The following RAD51B variants were observed in gnomAD, a reference collection of about 807,000 sequenced individuals.
RAD51B encodes the protein RAD51 paralog B, also known as DNA repair protein RAD51 homolog 2.
A neutral mutation model predicts 42.2 loss-of-function variants in RAD51B; 38 were observed. The ratio of observed to expected loss-of-function variants is 0.90; its 90% CI spans 0.70 to 1.18. The LOEUF (loss-of-function observed/expected upper bound fraction) is 1.18, where lower values mean the gene tolerates loss of function less well. Among genes scored for constraint, RAD51B ranks in the 50% most tolerant of loss-of-function variants. RAD51B has a pLI of 0.00. For synonymous variants in RAD51B, 154 were observed against 145.2 expected (o/e 1.06, Z -0.43); for missense variants, 373 against 400.7 (o/e 0.93, Z 0.59).
intron 9 of RAD51B, among the ~76,000 whole-genome samples, chr14:68,434,678 C>T (rs2085102790): frequency 6.6e-6 from 1 of 152,316 alleles, no homozygotes; most frequent in South Asian, 2.1e-4. Flanking sequence ...AATTCCCTGA[C>T]CCCTTGCACT....
At chr14:67,836,586 A>G (rs1469601006) in intron 4 of RAD51B, among the ~76,000 whole-genome samples, 2 of 151,662 alleles carry the variant, frequency 1.3e-5, no homozygotes, top group East Asian at 3.9e-4. Flanking sequence ...CCCAGGTTCA[A>G]GTGAGTAGCT....
At position 67,841,981 on chromosome 14, in the gene RAD51B, T is replaced by C. The variant is rs115655624; in HGVS notation, c.315+6785T>C. Among the ~76,000 whole-genome samples the C allele has an allele frequency of 3.0e-3, 451 of 152,356 alleles. 2 individuals are homozygous for C. The highest frequency in any genetic ancestry group is 0.01 in the African/African-American group (418 of 41,588). ...TGAATCTGTACATTGCTTTGGGAAA[T>C]ATGCCATTTTAACGGTATTGATTCT... On this transcript the variant is annotated intron_variant, in intron 4 of 10. Coordinates refer to ENST00000471583, the MANE Select transcript of RAD51B (RefSeq NM_133510.4).
chr14:68,251,242 C>G (rs1338079145), intron 7 of RAD51B, among the ~76,000 whole-genome samples: 6 of 152,094 alleles, frequency 3.9e-5, no homozygotes, highest in Non-Finnish European at 8.8e-5. Flanking sequence ...ACATCACTGG[C>G]AGCAGTAAGT....
At chr14:68,361,753 G>A (rs1236075628) in intron 8 of RAD51B, among the ~76,000 whole-genome samples, 1 of 152,140 alleles carries the variant, frequency 6.6e-6, no homozygotes, top group East Asian at 1.9e-4. Context: ...TCAGCTCACT[G>A]CAACCTCCAT....
chr14:68,120,413 C>T (rs923952489), intron 7 of RAD51B, among the ~76,000 whole-genome samples: 1 of 152,122 alleles, frequency 6.6e-6, no homozygotes, highest in African/African-American at 2.4e-5. Context: ...GTTTAAGTTT[C>T]TAGCCCTAAA....
chr14:68,345,763 C>T (rs34334823), intron 8 of RAD51B, among the ~76,000 whole-genome samples: 5,053 of 151,906 alleles, frequency 0.033, 256 homozygotes, highest in African/African-American at 0.1. Context: ...GGTTCAAGAG[C>T]GACTCTCATG....
intron 10 of RAD51B, among the ~76,000 whole-genome samples, chr14:68,487,988 T>C (rs1250278736): frequency 6.6e-6 from 1 of 152,106 alleles, no homozygotes; most frequent in Non-Finnish European, 1.5e-5. Context: ...AAAAAGTAGA[T>C]GCTGGCCAAG....
chr14:68,366,209 G>C (rs2083139628), intron 8 of RAD51B, among the ~76,000 whole-genome samples: 1 of 152,138 alleles, frequency 6.6e-6, no homozygotes, highest in Non-Finnish European at 1.5e-5. Context: ...TGGACCATCT[G>C]TTAATGCTTA....
At chr14:67,959,635 A>C (rs1289893688) in intron 7 of RAD51B, among the ~76,000 whole-genome samples, 2 of 152,200 alleles carry the variant, frequency 1.3e-5, no homozygotes, top group African/African-American at 4.8e-5. Context: ...ATTAGTTGAC[A>C]TAGTTAAAGT....
intron 3 of RAD51B, among the ~76,000 whole-genome samples, chr14:67,826,034 T>G (rs2040822931): frequency 1.3e-5 from 2 of 152,102 alleles, no homozygotes; most frequent in Admixed American, 6.6e-5. Context: ...CTAGCCTATG[T>G]GTGAAAAATT....
chr14:68,269,162 A>G (rs1399043463), intron 7 of RAD51B, among the ~76,000 whole-genome samples: 5 of 152,220 alleles, frequency 3.3e-5, no homozygotes, highest in Admixed American at 6.5e-5. Flanking sequence ...TAAGCGTGTT[A>G]CAAAGAACAC....
At chr14:68,579,428 A>G (rs899700758) in intron 10 of RAD51B, among the ~76,000 whole-genome samples, 1 of 152,204 alleles carries the variant, frequency 6.6e-6, no homozygotes, top group African/African-American at 2.4e-5. Flanking sequence ...CTCTTTGACC[A>G]AGTCCTGGGA....
downstream of RAD51B, among the ~76,000 whole-genome samples, chr14:68,479,645 G>C (rs1203499154): frequency 2.7e-5 from 4 of 150,764 alleles, no homozygotes; most frequent in Non-Finnish European, 5.9e-5. Flanking sequence ...CTGGTTTGGG[G>C]GTGGTCTTTC....
chr14:68,541,086 G>A (rs1218219141), intron 10 of RAD51B: 17 of 985,326 alleles, frequency 1.7e-5, no homozygotes, highest in Non-Finnish European at 2.0e-5. Context: ...ATGGAGCACA[G>A]AGAAGGAAGC....
At position 67,893,503 on chromosome 14, in the gene RAD51B, CACACACAAA is replaced by C. The variant is rs1470782813; in HGVS notation, c.756+6301_756+6309del. 8.7e-3 allele frequency among the ~76,000 whole-genome samples: 858 copies of C among 99,110 alleles called. 45 individuals are homozygous for C. The highest frequency in any genetic ancestry group is 0.042 in the African/African-American group (825 of 19,564). 65.0% of individuals were successfully genotyped at this position (99,110 alleles called of 152,430 possible). ...ACACACACACACACACACACACACA[CACACACAAA>C]AAAAAACAATTAGCTGGGTGTGGTG... On this transcript the variant is annotated intron_variant, in intron 7 of 10. Coordinates refer to ENST00000471583, the MANE Select transcript of RAD51B (RefSeq NM_133510.4).
At chr14:67,856,149 C>T (rs112091683) in intron 4 of RAD51B, among the ~76,000 whole-genome samples, 5,772 of 152,232 alleles carry the variant, frequency 0.038, 194 homozygotes, top group Admixed American at 0.11. Context: ...CATTTCCATT[C>T]CCTCCTGCTT....
In RAD51B at chr14:67,984,801, G is replaced by A. The variant is rs182539588; in HGVS notation, c.756+97597G>A. Among the ~76,000 whole-genome samples, 92 of 152,296 alleles carry A rather than the reference G, an allele frequency of 6.0e-4. 1 individual carries two copies. The highest frequency in any genetic ancestry group is 3.7e-3 in the Admixed American group (56 of 15,288). ...TCCGTGGTACTCCACTCTGATGGAC[G>A]AGGAAAAATGATAAATTTACAAATA... is the stretch of plus-strand genomic sequence containing the variant. On this transcript the variant is annotated intron_variant, in intron 7 of 10. Transcript: ENST00000471583.
chr14:67,894,667 TG>T (rs1441034084), intron 7 of RAD51B, among the ~76,000 whole-genome samples: 1 of 152,236 alleles, frequency 6.6e-6, no homozygotes, highest in Non-Finnish European at 1.5e-5. Context: ...GTCTGTCCTT[TG>T]TTTGGGACTA....
intron 7 of RAD51B, among the ~76,000 whole-genome samples, chr14:68,103,581 T>C (rs906581810): frequency 1.8e-4 from 28 of 152,206 alleles, no homozygotes; most frequent in African/African-American, 6.8e-4. Flanking sequence ...TTATAATGTT[T>C]ATGTCTGCAC....
Sources: gnomAD v4.1 joint callset for allele counts (sites outside exome capture counted in the v4.1 genomes callset) on GRCh38, gnomAD v4.1.1 for gene constraint, MANE v1.5 for transcripts, NCBI Gene and HGNC (gene_info 2026-07-23, HGNC 2026-07-21) for gene names.